The following ERBB4 variants were observed in gnomAD, a reference collection of about 807,000 sequenced individuals.
ERBB4 encodes the protein erb-b2 receptor tyrosine kinase 4, also known as receptor tyrosine-protein kinase erbB-4.
A neutral mutation model predicts 158.0 loss-of-function variants in ERBB4; 42 were observed. That is an observed-to-expected ratio of 0.27 (90% CI 0.21 to 0.34). ERBB4 has a LOEUF of 0.34. Among genes scored for constraint, ERBB4 ranks in the 10% least tolerant of loss-of-function variants. The pLI, the probability that ERBB4 is intolerant of heterozygous loss-of-function variation, is 1.00. For synonymous variants in ERBB4, 583 were observed against 558.7 expected (o/e 1.04, Z -0.61); for missense variants, 1,333 against 1,624.1 (o/e 0.82, Z 3.08).
At chr2:212,124,439 G>C in intron 2 of ERBB4, 1 of 362,890 alleles carries the variant, frequency 2.8e-6, no homozygotes, top group South Asian at 2.7e-5. Flanking sequence ...TATCTGATTG[G>C]TCCTCTGACT....
Position 211,712,040 on chromosome 2 carries a change from T to C in ERBB4, c.1124+10A>G, listed in dbSNP as rs1377534555. On this transcript the variant is annotated intron_variant, in intron 9 of 27. Transcript: ENST00000342788. ...TTGTAAAATAACTTGCACAAAAATTTAATACTGACCCATGAATACCAGTGA... is the reference window on the plus strand; with the variant it reads ...TTGTAAAATAACTTGCACAAAAATTCAATACTGACCCATGAATACCAGTGA... 1 of 1,609,762 alleles carries C rather than the reference T, an allele frequency of 6.2e-7. No individual in the cohort carries two copies. Among genetic ancestry groups the C allele is most frequent in the Non-Finnish European group, 8.5e-7 (1 of 1,176,342 alleles).
intron 19 of ERBB4, among the ~76,000 whole-genome samples, chr2:211,581,439 G>A (rs1424875685): frequency 6.6e-6 from 1 of 152,022 alleles, no homozygotes; most frequent in East Asian, 1.9e-4. Flanking sequence ...AATATAGGAA[G>A]TACATCTACC....
At chr2:211,950,900 G>T (rs191448242) in intron 2 of ERBB4, among the ~76,000 whole-genome samples, 31 of 152,234 alleles carry the variant, frequency 2.0e-4, no homozygotes, top group Admixed American at 1.8e-3. Flanking sequence ...TGTTCTAATG[G>T]TTGAGCTGTT....
chr2:211,800,861 A>G (rs572922636), intron 3 of ERBB4, among the ~76,000 whole-genome samples: 8 of 152,186 alleles, frequency 5.3e-5, no homozygotes, highest in Non-Finnish European at 1.2e-4. Context: ...AAAAAAGTGA[A>G]TTAAAAGAAA....
At chr2:211,745,846 G>C (rs1282268502) in intron 5 of ERBB4, among the ~76,000 whole-genome samples, 3 of 151,608 alleles carry the variant, frequency 2.0e-5, no homozygotes, top group Non-Finnish European at 2.9e-5. Flanking sequence ...ACTGAGATTT[G>C]TATCTCTTGG....
At chr2:212,064,205 G>A (rs1296508244) in intron 2 of ERBB4, among the ~76,000 whole-genome samples, 1 of 152,098 alleles carries the variant, frequency 6.6e-6, no homozygotes, top group African/African-American at 2.4e-5. Flanking sequence ...ACAAAGGCCT[G>A]AAGCATACCT....
chr2:212,108,471 TAAAG>T (rs550941025), intron 2 of ERBB4, among the ~76,000 whole-genome samples: 275 of 152,332 alleles, frequency 1.8e-3, no homozygotes, highest in Middle Eastern at 6.8e-3. Flanking sequence ...AATGCAGTTT[TAAAG>T]AAAGAAAGAT....
intron 5 of ERBB4, among the ~76,000 whole-genome samples, chr2:211,746,806 G>C (rs910522616): frequency 5.4e-5 from 8 of 147,714 alleles, no homozygotes; most frequent in African/African-American, 2.1e-4. Context: ...CTCCAGCCTG[G>C]GTGACAGAGG....
intron 20 of ERBB4, among the ~76,000 whole-genome samples, chr2:211,490,469 T>C (rs1345238633): frequency 6.6e-6 from 1 of 152,056 alleles, no homozygotes; most frequent in Admixed American, 6.6e-5. Flanking sequence ...TAGTGGTAAT[T>C]CAAGGTATTT....
chr2:211,941,226 T>C (rs1477007865), intron 3 of ERBB4, among the ~76,000 whole-genome samples: 1 of 151,348 alleles, frequency 6.6e-6, no homozygotes, highest in Admixed American at 6.6e-5. Context: ...ATTTTCCAAG[T>C]AATTTACCCT....
At chr2:212,055,900 C>CA (rs2077550046) in intron 2 of ERBB4, among the ~76,000 whole-genome samples, 1 of 152,248 alleles carries the variant, frequency 6.6e-6, no homozygotes. Flanking sequence ...CGCAGCTCCT[C>CA]ACCAGCAATG....
At chr2:211,440,611 GT>G (rs2063952524) in intron 20 of ERBB4, among the ~76,000 whole-genome samples, 1 of 152,122 alleles carries the variant, frequency 6.6e-6, no homozygotes, top group African/African-American at 2.4e-5. Context: ...ATAGGGATAT[GT>G]ATATACAATT....
intron 20 of ERBB4, among the ~76,000 whole-genome samples, chr2:211,558,603 G>C (rs564974931): frequency 4.6e-5 from 7 of 151,844 alleles, no homozygotes; most frequent in African/African-American, 1.4e-4. Flanking sequence ...TTGCACATGA[G>C]AAAAAAATAT....
At chr2:211,521,890 C>A (rs541273561) in intron 20 of ERBB4, among the ~76,000 whole-genome samples, 1 of 152,070 alleles carries the variant, frequency 6.6e-6, no homozygotes, top group Non-Finnish European at 1.5e-5. Context: ...TAGTTTAAGC[C>A]CACTGTTAAG....
At chr2:212,157,074 G>C (rs1273155571) in intron 1 of ERBB4, among the ~76,000 whole-genome samples, 1 of 152,034 alleles carries the variant, frequency 6.6e-6, no homozygotes, top group African/African-American at 2.4e-5. Context: ...GAATTCCACA[G>C]CTCTTAGACT....
At chr2:211,429,554 G>T (rs1465517308) in intron 21 of ERBB4, among the ~76,000 whole-genome samples, 1 of 152,178 alleles carries the variant, frequency 6.6e-6, no homozygotes, top group Non-Finnish European at 1.5e-5. Flanking sequence ...ACTATGAAGG[G>T]CAGCATTATA....
chr2:211,706,608 A>AC (rs924916783), intron 9 of ERBB4, among the ~76,000 whole-genome samples: 2 of 151,840 alleles, frequency 1.3e-5, no homozygotes, highest in African/African-American at 4.8e-5. Context: ...AAACAAAAAA[A>AC]AAAAAAACAA....
intron 3 of ERBB4, among the ~76,000 whole-genome samples, chr2:211,937,289 G>A (rs897363615): frequency 6.6e-5 from 10 of 151,926 alleles, no homozygotes; most frequent in Non-Finnish European, 1.5e-4. Context: ...AGGGTTTTTC[G>A]TGTTACCTTG....
chr2:212,268,637 A>G (rs906367760), intron 1 of ERBB4, among the ~76,000 whole-genome samples: 4 of 151,890 alleles, frequency 2.6e-5, no homozygotes, highest in Non-Finnish European at 1.5e-5. Context: ...TAGGCCATAT[A>G]ATGTCTGTCA....
Sources: gnomAD v4.1 joint callset for allele counts (sites outside exome capture counted in the v4.1 genomes callset) on GRCh38, gnomAD v4.1.1 for gene constraint, MANE v1.5 for transcripts, NCBI Gene and HGNC (gene_info 2026-07-23, HGNC 2026-07-21) for gene names.